The following APIP variants were observed in gnomAD, a reference collection of about 807,000 sequenced individuals.
The protein encoded by APIP is APAF1 interacting protein.
Under a neutral mutation model 32.0 loss-of-function variants are expected in APIP, and 32 were observed. That is an observed-to-expected ratio of 1.00 (90% CI 0.76 to 1.34). The LOEUF (loss-of-function observed/expected upper bound fraction) is 1.34, where lower values mean the gene tolerates loss of function less well. Among genes scored for constraint, APIP ranks in the 40% most tolerant of loss-of-function variants. The pLI is 0.00. For synonymous variants in APIP, 92 were observed against 94.8 expected, an observed-to-expected ratio of 0.97 and a Z score of 0.17; for missense variants, 247 against 298.6, an observed-to-expected ratio of 0.83 and a Z score of 1.27.
chr11:34,892,243 A>G (rs1385551576), intron 2 of APIP, among the ~76,000 whole-genome samples: 1 of 152,202 alleles, frequency 6.6e-6, no homozygotes, highest in Non-Finnish European at 1.5e-5. Flanking sequence ...GAAACATGCC[A>G]AATATTAAAG....
chr11:34,916,185 C>G (rs1432347197), intron 1 of APIP, 43 bp downstream of exon 1: 1 of 1,593,514 alleles, frequency 6.3e-7, no homozygotes. Context: ...CCGCCTGGGC[C>G]TCTCCTCCTG....
chr11:34,883,212 TAATAAA>T lies in APIP; in HGVS notation c.629+119_629+124del, dbSNP rs1200805410. Reference sequence around the variant, plus strand: ...CAATACTTCTTCATGAATGGATACATAATAAAAATAAAGTATCTACAAATAATGATA... The same window carrying T: ...CAATACTTCTTCATGAATGGATACATAATAAAGTATCTACAAATAATGATA... On this transcript the variant is annotated intron_variant, in intron 6 of 6. Coordinates refer to ENST00000395787, the MANE Select transcript of APIP (RefSeq NM_015957.4). The T allele has an allele frequency of 1.4e-5, 14 of 1,033,066 alleles. No individual in the cohort carries two copies. The African/African-American group carries it at 2.2e-4, about 16-fold the overall frequency. The allele number at this position is 1,033,066 out of a possible 1,614,324, so 64.0% of individuals were successfully genotyped here.
chr11:34,911,136 G>A (rs1320893636), intron 1 of APIP, among the ~76,000 whole-genome samples: 2 of 152,120 alleles, frequency 1.3e-5, no homozygotes, highest in African/African-American at 2.4e-5. Context: ...CCAAAAAAGT[G>A]TATGGTAAAA....
chr11:34,896,009 G>T (rs1446630149), intron 1 of APIP, among the ~76,000 whole-genome samples: 1 of 152,104 alleles, frequency 6.6e-6, no homozygotes, highest in East Asian at 1.9e-4. Flanking sequence ...TGTTGAGCTG[G>T]CAAGAAAGTA....
chr11:34,911,153 G>T (rs1403979379), intron 1 of APIP, among the ~76,000 whole-genome samples: 1 of 152,116 alleles, frequency 6.6e-6, no homozygotes, highest in African/African-American at 2.4e-5. Flanking sequence ...AAAAGGGTAG[G>T]GGTTGGGCAG....
chr11:34,910,199 G>A (rs1853524353), intron 1 of APIP, among the ~76,000 whole-genome samples: 1 of 152,188 alleles, frequency 6.6e-6, no homozygotes, highest in African/African-American at 2.4e-5. Flanking sequence ...CAAAGAAATG[G>A]GTGGCAGGGT....
intron 1 of APIP, among the ~76,000 whole-genome samples, chr11:34,897,788 T>C (rs1339205323): frequency 6.6e-6 from 1 of 152,080 alleles, no homozygotes; most frequent in Non-Finnish European, 1.5e-5. Flanking sequence ...GTGGCCTGTA[T>C]TTGAATATTA....
chr11:34,916,102 G>T, intron 1 of APIP, 126 bp downstream of exon 1: 1 of 1,295,278 alleles, frequency 7.7e-7, no homozygotes, highest in South Asian at 1.4e-5. Context: ...GTAGCGAACG[G>T]CCAGGCCCGA....
chr11:34,908,855 T>A (rs1299838345), intron 1 of APIP, among the ~76,000 whole-genome samples: 1 of 152,058 alleles, frequency 6.6e-6, no homozygotes, highest in East Asian at 1.9e-4. Flanking sequence ...TTCTGCAGGA[T>A]GGAGGTAAAA....
At chr11:34,899,739 T>C (rs1853344489) in intron 1 of APIP, among the ~76,000 whole-genome samples, 2 of 152,184 alleles carry the variant, frequency 1.3e-5, no homozygotes, top group Non-Finnish European at 2.9e-5. Flanking sequence ...TCTGGTGCCA[T>C]GGCTTGGAGG....
At position 34,916,323 on chromosome 11, in the gene APIP, A is replaced by G; in HGVS notation, c.-39T>C. 1.2e-6 allele frequency: 2 copies of G among 1,607,674 alleles called. No homozygotes were observed. Among genetic ancestry groups the G allele is most frequent in the Non-Finnish European group, 1.7e-6 (2 of 1,177,254 alleles). On this transcript the variant is annotated 5_prime_UTR_variant, in exon 1 of 7. Transcript: ENST00000395787. ...GACCCGCGCGGCCTCCAATCTCCGC[A>G]CGGCTTTGCGCGCGGCGCTTAGCCT...
chr11:34,904,297 C>T (rs1165043702), intron 1 of APIP, among the ~76,000 whole-genome samples: 3 of 152,174 alleles, frequency 2.0e-5, no homozygotes, highest in African/African-American at 2.4e-5. Context: ...AGCTGTCACA[C>T]AAGGGGTCTC....
At chr11:34,892,881 T>C (rs1308882847) in intron 2 of APIP, among the ~76,000 whole-genome samples, 1 of 152,184 alleles carries the variant, frequency 6.6e-6, no homozygotes, top group African/African-American at 2.4e-5. Flanking sequence ...GAGAATAGTA[T>C]TGCTGATAAT....
intron 6 of APIP, 31 bp from the exon 7 acceptor site, chr11:34,882,847 T>C (rs993342240): frequency 6.8e-7 from 1 of 1,467,788 alleles, no homozygotes; most frequent in Non-Finnish European, 9.5e-7. Flanking sequence ...AGAACCAGTG[T>C]TTATCGAAAC....
chr11:34,901,409 C>A (rs1202490197), intron 1 of APIP, among the ~76,000 whole-genome samples: 1 of 152,158 alleles, frequency 6.6e-6, no homozygotes, highest in Non-Finnish European at 1.5e-5. Context: ...GGGGCTCAAA[C>A]CCCTAGCTCC....
At chr11:34,898,785 GGTTT>G (rs1156233744) in intron 1 of APIP, among the ~76,000 whole-genome samples, 1,098 of 92,054 alleles carry the variant, frequency 0.012, 146 homozygotes, top group African/African-American at 0.035. Context: ...TTCTTTCTTT[GGTTT>G]TTTTTTTTTT....
At position 34,894,683 on chromosome 11, in the gene APIP, C is replaced by A. The variant is rs138327378; in HGVS notation, c.158+327G>T. ...AGTACCTGAACCTTTGAAACAAATCCTATCTACCTAGAGAGGATCCTCTAG... is the reference window on the plus strand; with the variant it reads ...AGTACCTGAACCTTTGAAACAAATCATATCTACCTAGAGAGGATCCTCTAG... On this transcript the variant is annotated intron_variant, in intron 2 of 6. Transcript: ENST00000395787. 1.9e-3 allele frequency among the ~76,000 whole-genome samples: 288 copies of A among 152,154 alleles called. 10 individuals carry two copies. In the East Asian group the frequency reaches 0.046, roughly 24 times the overall value.
intron 1 of APIP, among the ~76,000 whole-genome samples, chr11:34,899,617 GT>G (rs1199850040): frequency 3.3e-5 from 5 of 151,970 alleles, no homozygotes; most frequent in Admixed American, 1.3e-4. Context: ...CTTGAGATCT[GT>G]TTTTTTTAGG....
chr11:34,897,380 T>C (rs995689178), intron 1 of APIP, among the ~76,000 whole-genome samples: 2 of 152,224 alleles, frequency 1.3e-5, no homozygotes, highest in East Asian at 1.9e-4. Flanking sequence ...TAAAATGAGA[T>C]ACAATGGACA....
Sources: gnomAD v4.1 joint callset for allele counts (sites outside exome capture counted in the v4.1 genomes callset) on GRCh38, gnomAD v4.1.1 for gene constraint, MANE v1.5 for transcripts, NCBI Gene and HGNC (gene_info 2026-07-23, HGNC 2026-07-21) for gene names.